Variants in MDFIC2 observed in about 807,000 individuals in gnomAD.
MDFIC2 encodes the protein myoD family inhibitor domain-containing protein 2.
intron 2 of MDFIC2, among the ~76,000 whole-genome samples, chr3:70,295,470 G>A (rs946877740): frequency 6.6e-6 from 1 of 152,022 alleles, no homozygotes; most frequent in African/African-American, 2.4e-5. Flanking sequence ...TTGGGAGGCC[G>A]AGTGAGATAA....
chr3:70,259,527 A>G (rs1299212388), intron 2 of MDFIC2, among the ~76,000 whole-genome samples: 1 of 152,180 alleles, frequency 6.6e-6, no homozygotes, highest in Non-Finnish European at 1.5e-5. Flanking sequence ...TGGCTGTTTC[A>G]GAAATCAGAG....
At chr3:70,252,861 C>T (rs1701782164) in intron 2 of MDFIC2, among the ~76,000 whole-genome samples, 1 of 151,850 alleles carries the variant, frequency 6.6e-6, no homozygotes, top group Non-Finnish European at 1.5e-5. Flanking sequence ...AGGCAGATCA[C>T]CTGAGGTCAG....
chr3:70,278,520 A>G (rs1702049953), intron 2 of MDFIC2, among the ~76,000 whole-genome samples: 1 of 152,120 alleles, frequency 6.6e-6, no homozygotes, highest in African/African-American at 2.4e-5. Flanking sequence ...ATCCGTCAAG[A>G]CTGTATGAGA....
At chr3:70,303,382 G>A (rs1702368321) in intron 2 of MDFIC2, among the ~76,000 whole-genome samples, 1 of 152,076 alleles carries the variant, frequency 6.6e-6, no homozygotes, top group South Asian at 2.1e-4. Flanking sequence ...TTGGGACTTG[G>A]ACTCTTAAGG....
At chr3:70,233,630 T>C (rs1159686531) in intron 2 of MDFIC2, among the ~76,000 whole-genome samples, 2 of 152,188 alleles carry the variant, frequency 1.3e-5, no homozygotes, top group African/African-American at 4.8e-5. Flanking sequence ...AGTTTCCCTA[T>C]GTCCTTTTGT....
chr3:70,241,303 T>G (rs1339152530), intron 2 of MDFIC2, among the ~76,000 whole-genome samples: 1 of 152,170 alleles, frequency 6.6e-6, no homozygotes, highest in African/African-American at 2.4e-5. Flanking sequence ...TTGCTGGAAC[T>G]CATGATAAAC....
At chr3:70,264,791 A>C (rs944311865) in intron 2 of MDFIC2, among the ~76,000 whole-genome samples, 4 of 152,228 alleles carry the variant, frequency 2.6e-5, no homozygotes, top group Admixed American at 6.5e-5. Flanking sequence ...ACAGGGAGCT[A>C]TGGAAACTCT....
chr3:70,265,913 A>G (rs1313025796), intron 2 of MDFIC2, among the ~76,000 whole-genome samples: 1 of 152,138 alleles, frequency 6.6e-6, no homozygotes, highest in African/African-American at 2.4e-5. Flanking sequence ...GCATGGGGGA[A>G]GCCATATCCA....
chr3:70,245,344 G>A (rs1440682366), intron 2 of MDFIC2, among the ~76,000 whole-genome samples: 1 of 151,688 alleles, frequency 6.6e-6, no homozygotes, highest in Non-Finnish European at 1.5e-5. Context: ...ACAACTTAAA[G>A]CTTTAACAAA....
At chr3:70,259,218 T>C (rs1701843858) in intron 2 of MDFIC2, among the ~76,000 whole-genome samples, 1 of 152,144 alleles carries the variant, frequency 6.6e-6, no homozygotes, top group African/African-American at 2.4e-5. Context: ...ATTCTATTCA[T>C]AGTCTATGCT....
chr3:70,300,527 T>C (rs953159809), intron 2 of MDFIC2, among the ~76,000 whole-genome samples: 2 of 151,994 alleles, frequency 1.3e-5, no homozygotes, highest in Non-Finnish European at 2.9e-5. Context: ...ATATATTATA[T>C]ATATATTAGC....
chr3:70,272,510 G>A (rs1388299076), intron 2 of MDFIC2, among the ~76,000 whole-genome samples: 1 of 152,202 alleles, frequency 6.6e-6, no homozygotes, highest in African/African-American at 2.4e-5. Flanking sequence ...CTCCCCTGAT[G>A]GATGTTTGGA....
chr3:70,265,007 G>A (rs1383789651), intron 2 of MDFIC2, among the ~76,000 whole-genome samples: 1 of 152,156 alleles, frequency 6.6e-6, no homozygotes, highest in African/African-American at 2.4e-5. Context: ...AGCATGTGCA[G>A]GGGAACTCCC....
At chr3:70,287,519 C>G (rs982965877) in intron 2 of MDFIC2, among the ~76,000 whole-genome samples, 5 of 151,792 alleles carry the variant, frequency 3.3e-5, no homozygotes, top group South Asian at 2.1e-4. Flanking sequence ...CTAAAATTCT[C>G]TTTTTTGGTT....
intron 2 of MDFIC2, among the ~76,000 whole-genome samples, chr3:70,293,894 T>G (rs1350973950): frequency 6.6e-6 from 1 of 152,000 alleles, no homozygotes; most frequent in Non-Finnish European, 1.5e-5. Flanking sequence ...TGTTACATGT[T>G]GAAGCCTAAA....
chr3:70,305,042 C>G lies in MDFIC2; in HGVS notation c.88+6844G>C, dbSNP rs145390296. 4.5e-4 allele frequency among the ~76,000 whole-genome samples: 68 copies of G among 152,244 alleles called. 1 individual carries two copies. Among genetic ancestry groups the G allele is most frequent in the East Asian group, 5.8e-4 (3 of 5,180 alleles). On this transcript the variant is annotated intron_variant, in intron 2 of 3. Coordinates refer to ENST00000567252, the MANE Select transcript of MDFIC2 (RefSeq NM_001364677.1). Reference sequence around the variant, plus strand: ...CATTCTTCTTATTTAAGTCTCAGCTCAAATAACTTTCCCACAGAGAGAACT... The same window carrying G: ...CATTCTTCTTATTTAAGTCTCAGCTGAAATAACTTTCCCACAGAGAGAACT...
chr3:70,264,149 C>T (rs1701893230), intron 2 of MDFIC2, among the ~76,000 whole-genome samples: 1 of 152,126 alleles, frequency 6.6e-6, no homozygotes, highest in South Asian at 2.1e-4. Context: ...TAAAATGTAG[C>T]ATATGTTTTG....
chr3:70,301,706 A>G (rs2106702138), intron 2 of MDFIC2, among the ~76,000 whole-genome samples: 1 of 152,210 alleles, frequency 6.6e-6, no homozygotes, highest in East Asian at 1.9e-4. Context: ...TGGCCTGAAT[A>G]TAGATTTTTG....
chr3:70,254,390 G>A (rs912382094), intron 2 of MDFIC2, among the ~76,000 whole-genome samples: 6 of 152,056 alleles, frequency 3.9e-5, no homozygotes. Flanking sequence ...TGTACAAGTT[G>A]TACATTATTA....
Sources: gnomAD v4.1 joint callset for allele counts (sites outside exome capture counted in the v4.1 genomes callset) on GRCh38, gnomAD v4.1.1 for gene constraint, MANE v1.5 for transcripts, NCBI Gene and HGNC (gene_info 2026-07-23, HGNC 2026-07-21) for gene names.